The following WDR49 variants were observed in gnomAD, a reference collection of about 807,000 sequenced individuals.
WDR49 encodes cilia- and flagella-associated protein 337.
Under a neutral mutation model 119.5 loss-of-function variants are expected in WDR49, and 107 were observed. The observed-to-expected ratio is 0.90, with a 90% CI of 0.77 to 1.05. The LOEUF (loss-of-function observed/expected upper bound fraction) is 1.05, where lower values mean the gene tolerates loss of function less well. Ranked by LOEUF, WDR49 falls within the 50% of genes least tolerant of loss-of-function variation. The pLI is 0.00. For missense variants in WDR49, 1,240 were observed against 1,220.5 expected (o/e 1.02, Z -0.24); for synonymous variants, 425 against 418.8 (o/e 1.01, Z -0.18).
intron 17 of WDR49, among the ~76,000 whole-genome samples, chr3:167,504,603 C>T (rs1418803328): frequency 6.6e-6 from 1 of 152,100 alleles, no homozygotes; most frequent in Non-Finnish European, 1.5e-5. Context: ...GAACTTTGTA[C>T]TTTTAAGTTA....
In WDR49 at chr3:167,527,880, A is replaced by G. The variant is rs541203173; in HGVS notation, c.2544T>C (p.Ser848=). 6.2e-7 allele frequency: 1 copy of G among 1,613,262 alleles called. No individual in the cohort carries two copies. The highest frequency in any genetic ancestry group is 1.1e-5 in the South Asian group (1 of 91,058). Residue 848 remains serine (S), a synonymous_variant, in exon 15 of 19, where the codon TCT becomes TCC. Coordinates refer to ENST00000682715, the MANE Select transcript of WDR49 (RefSeq NM_001366157.1). ...CAGTCACACAAATACTGCAGTCTGC[A>G]GAGGAGGAGATAATCAGTAACTGAC... ...PGGQLLIISS[S]ADCSICVTGV...
chr3:167,633,961 G>A (rs779038398), intron 2 of WDR49, among the ~76,000 whole-genome samples: 1 of 151,864 alleles, frequency 6.6e-6, no homozygotes, highest in Non-Finnish European at 1.5e-5. Context: ...TATAGATAGG[G>A]AAATACTGGG....
chr3:167,633,702 T>C (rs1717481188), intron 2 of WDR49, among the ~76,000 whole-genome samples: 1 of 151,970 alleles, frequency 6.6e-6, no homozygotes, highest in African/African-American at 2.4e-5. Context: ...GGGATATACA[T>C]ACATATACAT....
chr3:167,585,387 GGTGC>G (rs903027118), intron 7 of WDR49, among the ~76,000 whole-genome samples: 3 of 132,428 alleles, frequency 2.3e-5, no homozygotes, highest in African/African-American at 1.0e-4. Flanking sequence ...GTCTTAAAAG[GGTGC>G]GTGTGTGTGT....
intron 8 of WDR49, 57 bp from the exon 9 acceptor site, chr3:167,560,285 T>C: frequency 6.6e-7 from 1 of 1,521,710 alleles, no homozygotes. Context: ...CAACCATTTA[T>C]ATTTCAATAA....
intron 16 of WDR49, among the ~76,000 whole-genome samples, chr3:167,518,797 C>T (rs1440112532): frequency 6.6e-6 from 1 of 150,558 alleles, no homozygotes; most frequent in African/African-American, 2.4e-5. Flanking sequence ...AACTAAAAAG[C>T]TTCTGCACAG....
chr3:167,575,945 A>C lies in WDR49; in HGVS notation c.1482T>G (p.Cys494Trp), dbSNP rs768210669. 5 of 1,614,182 alleles carry C rather than the reference A, an allele frequency of 3.1e-6. No homozygotes were observed. Among genetic ancestry groups the C allele is most frequent in the East Asian group, 4.5e-5 (2 of 44,872 alleles). Residue 494 changes from cysteine (C) to tryptophan (W), a missense_variant, in exon 8 of 19, where the codon TGT becomes TGG. Physicochemically the swap from Cys to Trp is radical, Grantham distance 215. Transcript: ENST00000682715. Reference protein sequence around the residue: ...RVKSHEKAVTCVLYNSILKQV... With the variant: ...RVKSHEKAVTWVLYNSILKQV... Reference sequence around the variant, plus strand: ...GCTTCAAGATAGAATTGTAAAGAACACAAGTGACTGCTTTCTCATGGCTTT... The same window carrying C: ...GCTTCAAGATAGAATTGTAAAGAACCCAAGTGACTGCTTTCTCATGGCTTT...
At chr3:167,599,533 AC>A (rs1715657168) in intron 7 of WDR49, among the ~76,000 whole-genome samples, 1 of 152,204 alleles carries the variant, frequency 6.6e-6, no homozygotes, top group Non-Finnish European at 1.5e-5. Context: ...CCAAGGGCCA[AC>A]ACCTAGAATC....
intron 10 of WDR49, among the ~76,000 whole-genome samples, chr3:167,553,988 G>C (rs993454659): frequency 6.6e-6 from 1 of 152,000 alleles, no homozygotes; most frequent in East Asian, 1.9e-4. Flanking sequence ...AGTGAATAAC[G>C]TTGGACGACT....
intron 10 of WDR49, among the ~76,000 whole-genome samples, chr3:167,550,042 C>G (rs1185229832): frequency 6.6e-6 from 1 of 151,944 alleles, no homozygotes; most frequent in Non-Finnish European, 1.5e-5. Flanking sequence ...TATTCTGTCC[C>G]ATTGGTCTAT....
At chr3:167,536,447 T>G (rs2108247722) in intron 11 of WDR49, among the ~76,000 whole-genome samples, 1 of 151,782 alleles carries the variant, frequency 6.6e-6, no homozygotes, top group South Asian at 2.1e-4. Flanking sequence ...GGGAGGCTGA[T>G]GCAGGTGAAT....
At chr3:167,510,862 A>C (rs758841678) in intron 16 of WDR49, among the ~76,000 whole-genome samples, 1 of 125,692 alleles carries the variant, frequency 8.0e-6, no homozygotes, top group Non-Finnish European at 1.6e-5. Flanking sequence ...CCATCTAAAC[A>C]TACCCCCACC....
chr3:167,604,971 G>A (rs143376115), intron 5 of WDR49, among the ~76,000 whole-genome samples: 9 of 151,986 alleles, frequency 5.9e-5, no homozygotes, highest in African/African-American at 2.2e-4. Context: ...GTTAAAAACA[G>A]TATCTAGTTT....
At chr3:167,543,090 C>T (rs890385493) in intron 10 of WDR49, among the ~76,000 whole-genome samples, 2 of 151,536 alleles carry the variant, frequency 1.3e-5, no homozygotes, top group African/African-American at 2.4e-5. Flanking sequence ...TTGATTAAAT[C>T]GGGAAGAAAT....
At chr3:167,581,733 G>T (rs1249667798) in intron 7 of WDR49, among the ~76,000 whole-genome samples, 1 of 152,140 alleles carries the variant, frequency 6.6e-6, no homozygotes, top group Non-Finnish European at 1.5e-5. Context: ...ACAGATATAG[G>T]TAGGGGTATA....
Position 167,527,940 on chromosome 3 carries a change from G to A in WDR49, c.2484C>T (p.Asp828=). The A allele has an allele frequency of 6.2e-7, 1 of 1,613,340 alleles. No homozygotes were observed. Among genetic ancestry groups the A allele is most frequent in the Non-Finnish European group, 8.5e-7 (1 of 1,179,594 alleles). ...TLIRSFQPHE[D]RISSLEMCEP... ...CACACATCTCTAAGGAACTTATTCG[G>A]TCCTCATGAGGTTGGAATGATCTTA... Residue 828 remains aspartate (D), a synonymous_variant, in exon 15 of 19, where the codon GAC becomes GAT. Coordinates refer to ENST00000682715, the MANE Select transcript of WDR49 (RefSeq NM_001366157.1).
chr3:167,478,885 T>C lies in WDR49; in HGVS notation c.3143A>G (p.Lys1048Arg). The C allele has an allele frequency of 6.2e-7, 1 of 1,601,452 alleles. No homozygotes were observed. Among genetic ancestry groups the C allele is most frequent in the African/African-American group, 1.3e-5 (1 of 74,424 alleles). Residue 1048 changes from lysine (K) to arginine (R), a missense_variant, in exon 19 of 19, where the codon AAG becomes AGG. Transcript: ENST00000682715. ...QEKSCEVKKN[K>R]K ...AAGGTTTTTCTGTTGTAATTACTTC[T>C]TATTTTTCTTCACTTCACAACTTTT...
intron 16 of WDR49, among the ~76,000 whole-genome samples, chr3:167,507,486 A>G (rs1405685883): frequency 1.3e-5 from 2 of 152,210 alleles, no homozygotes; most frequent in African/African-American, 4.8e-5. Context: ...TAGGCCTTGC[A>G]GTTATTGGAT....
chr3:167,527,567 C>T (rs986072553), intron 15 of WDR49, among the ~76,000 whole-genome samples: 10 of 151,864 alleles, frequency 6.6e-5, no homozygotes, highest in African/African-American at 2.4e-4. Flanking sequence ...AATTTTTTCT[C>T]AGAAATCCTA....
Sources: allele counts gnomAD v4.1 joint callset (sites outside exome capture counted in the v4.1 genomes callset), GRCh38; gene constraint gnomAD v4.1.1; transcripts MANE v1.5; gene names NCBI Gene and HGNC (gene_info 2026-07-23, HGNC 2026-07-21).